COL25A1: variants seen among roughly 807,000 people sequenced by gnomAD.
COL25A1 encodes collagen type XXV alpha 1 chain.
Under a neutral mutation model 128.4 loss-of-function variants are expected in COL25A1, and 103 were observed. That is an observed-to-expected ratio of 0.80 (90% confidence interval 0.68 to 0.94). The LOEUF (loss-of-function observed/expected upper bound fraction) is 0.94, where lower values mean the gene tolerates loss of function less well. COL25A1 is among the 40% of genes least tolerant of loss of function. The pLI is 0.00. For missense variants in COL25A1, 745 were observed against 840.0 expected, an observed-to-expected ratio of 0.89 and a Z score of 1.40; for synonymous variants, 279 against 277.2, an observed-to-expected ratio of 1.01 and a Z score of -0.06.
At chr4:109,180,811 TACTC>T (rs1314915908) in intron 3 of COL25A1, among the ~76,000 whole-genome samples, 6 of 152,166 alleles carry the variant, frequency 3.9e-5, no homozygotes, top group Non-Finnish European at 5.9e-5. Flanking sequence ...TTTTGCAAGT[TACTC>T]ACATTTTCAA....
At chr4:108,874,409 A>G (rs889323657) in intron 19 of COL25A1, among the ~76,000 whole-genome samples, 3 of 152,214 alleles carry the variant, frequency 2.0e-5, no homozygotes, top group Non-Finnish European at 4.4e-5. Flanking sequence ...CTGGAACTAT[A>G]ATGGAGTTAA....
intron 3 of COL25A1, among the ~76,000 whole-genome samples, chr4:109,072,378 T>C (rs1195600922): frequency 2.0e-5 from 3 of 152,214 alleles, no homozygotes; most frequent in Non-Finnish European, 2.9e-5. Flanking sequence ...TCCTCTTTCA[T>C]AAGCTCAGTT....
chr4:108,885,692 T>C (rs1012615669), intron 18 of COL25A1, among the ~76,000 whole-genome samples: 1 of 152,174 alleles, frequency 6.6e-6, no homozygotes, highest in African/African-American at 2.4e-5. Flanking sequence ...CTCTTTTATG[T>C]TAAAAAAGTA....
chr4:109,233,565 T>C (rs1779288068), intron 3 of COL25A1, among the ~76,000 whole-genome samples: 1 of 152,160 alleles, frequency 6.6e-6, no homozygotes, highest in African/African-American at 2.4e-5. Flanking sequence ...GAAGAACAGA[T>C]TCAAAAACCC....
At chr4:108,944,445 T>C (rs1032215169) in intron 8 of COL25A1, among the ~76,000 whole-genome samples, 2 of 152,176 alleles carry the variant, frequency 1.3e-5, no homozygotes, top group African/African-American at 2.4e-5. Flanking sequence ...CTCATATTTA[T>C]GTAACAAAGA....
chr4:109,017,789 T>C (rs929268177), intron 5 of COL25A1, among the ~76,000 whole-genome samples: 1 of 152,198 alleles, frequency 6.6e-6, no homozygotes, highest in Non-Finnish European at 1.5e-5. Flanking sequence ...AATATTAACA[T>C]TGTTCATGCA....
chr4:108,842,106 C>T (rs1405060968), intron 30 of COL25A1, among the ~76,000 whole-genome samples: 1 of 151,974 alleles, frequency 6.6e-6, no homozygotes, highest in Non-Finnish European at 1.5e-5. Context: ...GAGAAATTTG[C>T]CAAAGAGAAG....
chr4:109,033,225 G>A (rs1759034905), intron 5 of COL25A1, among the ~76,000 whole-genome samples: 1 of 152,224 alleles, frequency 6.6e-6, no homozygotes, highest in Admixed American at 6.5e-5. Flanking sequence ...GAGTGTATAG[G>A]TGTATGAAGC....
At chr4:109,299,735 T>C (rs1725326991) in intron 3 of COL25A1, among the ~76,000 whole-genome samples, 1 of 152,178 alleles carries the variant, frequency 6.6e-6, no homozygotes, top group South Asian at 2.1e-4. Flanking sequence ...GAAATAAACA[T>C]CTCAACTCAT....
chr4:108,850,235 TCAAA>T (rs1426089705), intron 26 of COL25A1, among the ~76,000 whole-genome samples: 2 of 151,958 alleles, frequency 1.3e-5, no homozygotes, highest in Non-Finnish European at 2.9e-5. Context: ...GTGTAGGGAA[TCAAA>T]CAATTCTTGT....
chr4:109,286,289 T>C lies in COL25A1; in HGVS notation c.367+14294A>G, dbSNP rs138363163. Reference sequence around the variant, plus strand: ...TTTAATAATAATAACAATACTATCATCAAACACAAAGAAAGAGTTCAACCT... The same window carrying C: ...TTTAATAATAATAACAATACTATCACCAAACACAAAGAAAGAGTTCAACCT... On this transcript the variant is annotated intron_variant, in intron 3 of 37. Coordinates refer to ENST00000399132, the MANE Select transcript of COL25A1 (RefSeq NM_198721.4). Among the ~76,000 whole-genome samples the C allele has an allele frequency of 1.2e-3, 190 of 152,190 alleles. No homozygotes were observed. The Middle Eastern group carries it at 0.014, about 11-fold the overall frequency.
intron 37 of COL25A1, among the ~76,000 whole-genome samples, chr4:108,816,335 T>C (rs772959002): frequency 6.6e-6 from 1 of 152,188 alleles, no homozygotes; most frequent in Non-Finnish European, 1.5e-5. Context: ...TTCCCATCTT[T>C]CTGCATTGCT....
chr4:109,119,690 T>C (rs1767942099), intron 3 of COL25A1, among the ~76,000 whole-genome samples: 1 of 152,024 alleles, frequency 6.6e-6, no homozygotes, highest in South Asian at 2.1e-4. Flanking sequence ...TTGAGTGAAT[T>C]CTACCAAACA....
At chr4:109,041,993 G>GA in intron 5 of COL25A1, among the ~76,000 whole-genome samples, 1 of 152,084 alleles carries the variant, frequency 6.6e-6, no homozygotes, top group South Asian at 2.1e-4. Flanking sequence ...TAGACCGTAG[G>GA]AAAAAAATAA....
At chr4:108,857,738 G>A (rs537236898) in intron 24 of COL25A1, among the ~76,000 whole-genome samples, 21 of 152,066 alleles carry the variant, frequency 1.4e-4, no homozygotes, top group African/African-American at 2.2e-4. Context: ...CAACTAATTC[G>A]GCTTACAAGC....
intron 3 of COL25A1, among the ~76,000 whole-genome samples, chr4:109,069,174 A>C (rs1304735057): frequency 2.0e-5 from 3 of 151,862 alleles, no homozygotes; most frequent in Non-Finnish European, 4.4e-5. Context: ...GACTTGCCAA[A>C]AAAAAGGCAA....
chr4:109,100,939 T>G (rs1458047949), intron 3 of COL25A1, among the ~76,000 whole-genome samples: 1 of 152,152 alleles, frequency 6.6e-6, no homozygotes. Flanking sequence ...TCACCCAAAC[T>G]CAGGTTGGTT....
At chr4:108,922,157 A>T (rs1745562156) in intron 11 of COL25A1, among the ~76,000 whole-genome samples, 1 of 152,202 alleles carries the variant, frequency 6.6e-6, no homozygotes, top group Non-Finnish European at 1.5e-5. Context: ...TCCCCTTAGC[A>T]TATAAACATA....
chr4:109,256,379 A>G (rs915006362), intron 3 of COL25A1, among the ~76,000 whole-genome samples: 3 of 152,142 alleles, frequency 2.0e-5, no homozygotes, highest in Non-Finnish European at 4.4e-5. Context: ...AACCAGGTAC[A>G]TGTCCTTCAG....
Sources: allele counts gnomAD v4.1 joint callset (sites outside exome capture counted in the v4.1 genomes callset), GRCh38; gene constraint gnomAD v4.1.1; transcripts MANE v1.5; gene names NCBI Gene and HGNC (gene_info 2026-07-23, HGNC 2026-07-21).